Variants in MAGI2 observed in about 807,000 individuals in gnomAD.
MAGI2 encodes membrane-associated guanylate kinase, WW and PDZ domain-containing protein 2.
A neutral mutation model predicts 133.3 loss-of-function variants in MAGI2; 35 were observed. The observed-to-expected ratio is 0.26, with a 90% CI of 0.20 to 0.35. The LOEUF is 0.35. MAGI2 is among the 10% of genes least tolerant of loss of function. MAGI2 has a pLI of 1.00. For synonymous variants in MAGI2, 729 were observed against 710.6 expected, an observed-to-expected ratio of 1.03 and a Z score of -0.41; for missense variants, 1,636 against 1,863.4, an observed-to-expected ratio of 0.88 and a Z score of 2.25.
At chr7:78,431,738 T>C (rs961963484) in intron 6 of MAGI2, among the ~76,000 whole-genome samples, 2 of 152,110 alleles carry the variant, frequency 1.3e-5, no homozygotes, top group African/African-American at 2.4e-5. Context: ...TATGTTCTCA[T>C]AGCTTAAAGC....
chr7:78,758,251 C>T (rs936862618), intron 2 of MAGI2, among the ~76,000 whole-genome samples: 10 of 151,926 alleles, frequency 6.6e-5, no homozygotes, highest in Admixed American at 2.6e-4. Context: ...TGGTCTCCCT[C>T]ATACAAGACA....
chr7:79,288,231 C>T (rs1836175100), intron 1 of MAGI2, among the ~76,000 whole-genome samples: 1 of 152,114 alleles, frequency 6.6e-6, no homozygotes, highest in South Asian at 2.1e-4. Flanking sequence ...TCTTGCTATG[C>T]TTCAGCTTCT....
At chr7:78,126,781 G>C (rs1275619286) in intron 19 of MAGI2, among the ~76,000 whole-genome samples, 1 of 152,144 alleles carries the variant, frequency 6.6e-6, no homozygotes, top group East Asian at 1.9e-4. Context: ...GGCAGGTAGG[G>C]GGCCACGTAA....
intron 4 of MAGI2, among the ~76,000 whole-genome samples, chr7:78,516,465 A>C (rs1016404093): frequency 1.3e-5 from 2 of 152,010 alleles, no homozygotes; most frequent in African/African-American, 4.8e-5. Context: ...TGATCCTCCC[A>C]CCTAAGCCTG....
intron 1 of MAGI2, among the ~76,000 whole-genome samples, chr7:79,356,359 A>G (rs1461895304): frequency 6.6e-6 from 1 of 152,190 alleles, no homozygotes; most frequent in Non-Finnish European, 1.5e-5. Flanking sequence ...AGCAATCAGT[A>G]TTAATAAGAA....
At chr7:78,183,720 C>T (rs2150700699) in intron 13 of MAGI2, among the ~76,000 whole-genome samples, 1 of 152,326 alleles carries the variant, frequency 6.6e-6, no homozygotes, top group South Asian at 2.1e-4. Context: ...CAGGCATGCG[C>T]CACAGCGCCC....
chr7:78,287,474 A>G (rs2151029414), intron 9 of MAGI2, among the ~76,000 whole-genome samples: 1 of 152,286 alleles, frequency 6.6e-6, no homozygotes, highest in African/African-American at 2.4e-5. Flanking sequence ...ACAATGAAGG[A>G]GGTGGAACAG....
intron 3 of MAGI2, among the ~76,000 whole-genome samples, chr7:78,535,924 GA>G (rs1797858408): frequency 7.3e-6 from 1 of 136,922 alleles, no homozygotes; most frequent in East Asian, 2.2e-4. Context: ...CTCAGCACAA[GA>G]GGACAGCTTC....
At chr7:79,126,211 C>T (rs189409871) in intron 1 of MAGI2, among the ~76,000 whole-genome samples, 1 of 152,308 alleles carries the variant, frequency 6.6e-6, no homozygotes, top group Admixed American at 6.5e-5. Flanking sequence ...TCACTGATCA[C>T]AGAGCTCTCC....
chr7:78,772,289 A>AT (rs1364319397), intron 2 of MAGI2, among the ~76,000 whole-genome samples: 2 of 152,154 alleles, frequency 1.3e-5, no homozygotes, highest in African/African-American at 4.8e-5. Context: ...AGAATCAGTC[A>AT]TTTTTTTGAA....
chr7:78,253,887 C>G (rs533347959), intron 10 of MAGI2: 1 of 152,284 alleles, frequency 6.6e-6, no homozygotes, highest in African/African-American at 2.4e-5. Flanking sequence ...ATAGGCACTT[C>G]TGGTAGCCCA....
chr7:78,199,664 A>G (rs1000381456), intron 11 of MAGI2, among the ~76,000 whole-genome samples: 3 of 152,212 alleles, frequency 2.0e-5, no homozygotes, highest in African/African-American at 7.2e-5. Context: ...TGGTAGATAC[A>G]TGGAAGACAT....
intron 9 of MAGI2, among the ~76,000 whole-genome samples, chr7:78,311,583 T>A (rs962805299): frequency 2.6e-5 from 4 of 152,168 alleles, no homozygotes; most frequent in African/African-American, 4.8e-5. Context: ...AAGAAACAAC[T>A]GAAGCTTTTA....
intron 1 of MAGI2, among the ~76,000 whole-genome samples, chr7:79,142,310 T>A (rs949443143): frequency 3.3e-5 from 5 of 152,212 alleles, no homozygotes; most frequent in African/African-American, 1.2e-4. Flanking sequence ...CTAATTAAAG[T>A]GTACATTCTC....
intron 2 of MAGI2, among the ~76,000 whole-genome samples, chr7:78,978,228 T>C (rs1301644191): frequency 2.0e-5 from 3 of 151,872 alleles, no homozygotes; most frequent in Admixed American, 1.3e-4. Flanking sequence ...CGATTGTTTA[T>C]GGCAGCCCTA....
intron 9 of MAGI2, among the ~76,000 whole-genome samples, chr7:78,274,340 C>T (rs1794855807): frequency 6.6e-6 from 1 of 152,166 alleles, no homozygotes; most frequent in Non-Finnish European, 1.5e-5. Context: ...CCTGCAGATG[C>T]CAGCCATAGC....
intron 1 of MAGI2, among the ~76,000 whole-genome samples, chr7:79,067,897 T>C (rs770430599): frequency 2.0e-5 from 3 of 152,236 alleles, no homozygotes; most frequent in Non-Finnish European, 2.9e-5. Context: ...GTTTATGAGA[T>C]GGATTACATG....
At chr7:78,514,806 C>T (rs1490011153) in intron 4 of MAGI2, among the ~76,000 whole-genome samples, 1 of 152,172 alleles carries the variant, frequency 6.6e-6, no homozygotes, top group East Asian at 1.9e-4. Flanking sequence ...ATGCGGGTCC[C>T]TAATGGTGAA....
intron 10 of MAGI2, chr7:78,251,570 A>AT (rs1308413086): frequency 6.6e-6 from 1 of 152,220 alleles, no homozygotes; most frequent in Non-Finnish European, 1.5e-5. Flanking sequence ...GCATTTCTAT[A>AT]TATTAGCAAT....
Sources: gnomAD v4.1 joint callset for allele counts (sites outside exome capture counted in the v4.1 genomes callset) on GRCh38, gnomAD v4.1.1 for gene constraint, MANE v1.5 for transcripts, NCBI Gene and HGNC (gene_info 2026-07-23, HGNC 2026-07-21) for gene names.